PANK1: variants seen among roughly 807,000 people sequenced by gnomAD.
PANK1 encodes pantothenic acid kinase 1.
A neutral mutation model predicts 40.1 loss-of-function variants in PANK1; 18 were observed. The observed-to-expected ratio is 0.45, with a 90% CI of 0.31 to 0.67. PANK1 has a LOEUF of 0.67. Ranked by LOEUF, PANK1 falls within the 30% of genes least tolerant of loss-of-function variation. PANK1 has a pLI of 0.06. For missense variants in PANK1, 457 were observed against 599.6 expected, an observed-to-expected ratio of 0.76 and a Z score of 2.48; for synonymous variants, 242 against 237.7, an observed-to-expected ratio of 1.02 and a Z score of -0.17.
intron 1 of PANK1, among the ~76,000 whole-genome samples, chr10:89,630,969 T>A (rs1160874740): frequency 6.6e-6 from 1 of 152,190 alleles, no homozygotes; most frequent in Non-Finnish European, 1.5e-5. Context: ...GAGTTGGAGA[T>A]TAGCCTGGGG....
chr10:89,593,281 G>C lies in PANK1; in HGVS notation c.1116C>G (p.Ile372Met), dbSNP rs772699546. Residue 372 changes from isoleucine to methionine, a missense_variant, in exon 5 of 7, where the codon ATC (isoleucine) becomes ATG (methionine). Coordinates refer to ENST00000307534, the MANE Select transcript of PANK1 (RefSeq NM_148977.3). ...NMMSKEKRDSISKEDLARATL... is the reference protein window; with the variant it reads ...NMMSKEKRDSMSKEDLARATL... ...TGGCCCGGGCGAGGTCTTCCTTGCT[G>C]ATGGAATCTCGCTTTTCTTTACTCA... is the stretch of plus-strand genomic sequence containing the variant. The C allele has an allele frequency of 6.2e-7, 1 of 1,613,636 alleles. No individual in the cohort carries two copies. The highest frequency in any genetic ancestry group is 2.2e-5 in the East Asian group (1 of 44,880).
intron 1 of PANK1, chr10:89,625,985 T>C (rs1371760420): frequency 6.6e-6 from 1 of 152,176 alleles, no homozygotes; most frequent in Admixed American, 6.5e-5. Context: ...AACCTCTCCA[T>C]GTCACCCTTA....
intron 1 of PANK1, among the ~76,000 whole-genome samples, chr10:89,632,082 T>A (rs1841670545): frequency 6.6e-6 from 1 of 152,120 alleles, no homozygotes; most frequent in Non-Finnish European, 1.5e-5. Context: ...AAATTGGACA[T>A]GATTTGATAA....
At chr10:89,622,922 A>G (rs1191110986) in intron 1 of PANK1, among the ~76,000 whole-genome samples, 1 of 152,208 alleles carries the variant, frequency 6.6e-6, no homozygotes, top group Non-Finnish European at 1.5e-5. Flanking sequence ...CTAATTAAAC[A>G]AATAATCAAA....
At chr10:89,595,862 ATATATATATAT>A (rs1844576998) in intron 3 of PANK1, among the ~76,000 whole-genome samples, 2 of 120,352 alleles carry the variant, frequency 1.7e-5, no homozygotes, top group African/African-American at 6.9e-5. Context: ...ATATATATAT[ATATATATATAT>A]AACTTCATTT....
intron 2 of PANK1, among the ~76,000 whole-genome samples, chr10:89,609,555 A>T (rs1470370738): frequency 4.6e-5 from 7 of 152,210 alleles, no homozygotes; most frequent in African/African-American, 1.7e-4. Context: ...CAGGCACATC[A>T]CTAACATAAC....
chr10:89,607,452 A>T (rs1289551257), intron 2 of PANK1, among the ~76,000 whole-genome samples: 2 of 152,230 alleles, frequency 1.3e-5, no homozygotes, highest in African/African-American at 2.4e-5. Flanking sequence ...AATAATAATT[A>T]AAAAGTTTGA....
intron 2 of PANK1, among the ~76,000 whole-genome samples, chr10:89,602,279 A>G (rs1564623276): frequency 6.6e-6 from 1 of 152,262 alleles, no homozygotes; most frequent in Non-Finnish European, 1.5e-5. Context: ...TCATTATTTC[A>G]CCTTTTCCCT....
intron 1 of PANK1, among the ~76,000 whole-genome samples, chr10:89,625,147 C>T (rs75444736): frequency 6.6e-6 from 1 of 152,180 alleles, no homozygotes. Flanking sequence ...AGAGATTCTC[C>T]TCCTCAGCCT....
intron 1 of PANK1, among the ~76,000 whole-genome samples, chr10:89,634,418 A>G (rs1841745283): frequency 1.3e-5 from 2 of 152,194 alleles, no homozygotes; most frequent in Admixed American, 1.3e-4. Flanking sequence ...TCAGTGTAGG[A>G]TCAAGGCCAA....
intron 5 of PANK1, among the ~76,000 whole-genome samples, chr10:89,592,536 C>T (rs1289868592): frequency 1.3e-5 from 2 of 152,202 alleles, no homozygotes; most frequent in African/African-American, 4.8e-5. Context: ...TCTCCTATGA[C>T]CTGTTCCATG....
intron 1 of PANK1, among the ~76,000 whole-genome samples, chr10:89,626,022 G>A (rs961760098): frequency 5.3e-5 from 8 of 152,166 alleles, no homozygotes; most frequent in African/African-American, 1.7e-4. Context: ...AAAGATGAGC[G>A]TCACTCTAGG....
intron 6 of PANK1, among the ~76,000 whole-genome samples, chr10:89,586,663 A>G (rs1449454486): frequency 6.6e-6 from 1 of 152,264 alleles, no homozygotes; most frequent in Non-Finnish European, 1.5e-5. Flanking sequence ...ATTCATTACA[A>G]TTGAAATTGA....
Position 89,645,055 on chromosome 10 carries a change from G to A in PANK1, c.-164C>T, listed in dbSNP as rs1344086843. On this transcript the variant is annotated 5_prime_UTR_variant, in exon 1 of 7. Coordinates refer to ENST00000307534, the MANE Select transcript of PANK1 (RefSeq NM_148977.3). ...AACCCGGCGCTCCTCCCCTCCTCCT[G>A]CCGACTCCCCCACCTCCTCTGCGCC... 9.6e-6 allele frequency: 15 copies of A among 1,561,094 alleles called. No homozygotes were observed. Among genetic ancestry groups the A allele is most frequent in the East Asian group, 2.6e-5 (1 of 37,812 alleles).
Position 89,644,865 on chromosome 10 carries a change from C to G in PANK1, c.27G>C (p.Glu9Asp), listed in dbSNP as rs1000299358. Residue 9 changes from glutamate to aspartate, a missense_variant, in exon 1 of 7, where the codon GAG (glutamate) becomes GAC (aspartate). Glu to Asp is a conservative substitution (Grantham distance 45). Around this residue, in one of 4 missense-constraint regions of PANK1, gnomAD observed 144 missense variants for 131.2 expected, o/e 1.10. Transcript: ENST00000307534. MGDRSGQQERSVPHSPGAP... is the reference protein window; with the variant it reads MGDRSGQQDRSVPHSPGAP... ...CCCCTGGAGAGTGCGGGACCGAGCG[C>G]TCCTGCTGCCCGCTGCGGTCGCCCA... 19 of 1,483,504 alleles carry G rather than the reference C, an allele frequency of 1.3e-5. No individual in the cohort carries two copies. In the African/African-American group the frequency reaches 2.5e-4, roughly 20 times the overall value. The allele number at this position is 1,483,504 out of a possible 1,614,324, so 91.9% of individuals were successfully genotyped here.
intron 1 of PANK1, among the ~76,000 whole-genome samples, chr10:89,617,522 A>C (rs1351587931): frequency 1.3e-5 from 2 of 152,248 alleles, no homozygotes; most frequent in Non-Finnish European, 2.9e-5. Context: ...GAGTCCATTA[A>C]GTTGCACTTG....
intron 2 of PANK1, 28 bp downstream of exon 2, chr10:89,611,668 T>C (rs1845157069): frequency 6.7e-7 from 1 of 1,500,886 alleles, no homozygotes. Context: ...GAGGTTTTGA[T>C]GTTTTAACAA....
At chr10:89,597,031 T>C (rs1053948114) in intron 3 of PANK1, among the ~76,000 whole-genome samples, 1 of 152,178 alleles carries the variant, frequency 6.6e-6, no homozygotes, top group African/African-American at 2.4e-5. Flanking sequence ...TGAAATCATG[T>C]TTAAAAGGAA....
At chr10:89,595,871 T>TA (rs1392931567) in intron 3 of PANK1, among the ~76,000 whole-genome samples, 1 of 98,648 alleles carries the variant, frequency 1.0e-5, no homozygotes, top group East Asian at 4.0e-4. Context: ...TATATATATA[T>TA]ATAACTTCAT....
Sources: gnomAD v4.1 joint callset for allele counts (sites outside exome capture counted in the v4.1 genomes callset) on GRCh38, gnomAD v4.1.1 for gene constraint, gnomAD v4.1.1 regional missense constraint, MANE v1.5 for transcripts, NCBI Gene and HGNC (gene_info 2026-07-23, HGNC 2026-07-21) for gene names.